ZNF407: variants seen among roughly 807,000 people sequenced by gnomAD.
ZNF407 encodes the protein zinc finger protein 407.
ZNF407 carries 17 observed loss-of-function variants against 131.2 expected under a neutral mutation model. The ratio of observed to expected loss-of-function variants is 0.13; its 90% CI spans 0.09 to 0.19. ZNF407 has a LOEUF of 0.19. Among genes scored for constraint, ZNF407 ranks in the 10% least tolerant of loss-of-function variants. The pLI, the probability that ZNF407 is intolerant of heterozygous loss-of-function variation, is 1.00. For missense variants in ZNF407, 2,681 were observed against 2,830.6 expected, an observed-to-expected ratio of 0.95 and a Z score of 1.20; for synonymous variants, 1,156 against 1,062.0, an observed-to-expected ratio of 1.09 and a Z score of -1.72.
intron 2 of ZNF407, among the ~76,000 whole-genome samples, chr18:74,636,292 A>G (rs1033147084): frequency 1.3e-5 from 2 of 152,182 alleles, no homozygotes; most frequent in African/African-American, 4.8e-5. Context: ...GCTCTGTCAC[A>G]GTTAGTGTTC....
At chr18:75,041,387 G>T (rs1973370738) in intron 8 of ZNF407, among the ~76,000 whole-genome samples, 1 of 152,068 alleles carries the variant, frequency 6.6e-6, no homozygotes, top group Non-Finnish European at 1.5e-5. Flanking sequence ...AACCATAAAA[G>T]AGCTAGCACT....
intron 8 of ZNF407, among the ~76,000 whole-genome samples, chr18:75,040,464 A>C (rs1973360102): frequency 6.6e-6 from 1 of 152,220 alleles, no homozygotes; most frequent in Admixed American, 6.5e-5. Flanking sequence ...AATTTTATCA[A>C]GTGGAATATA....
intron 7 of ZNF407, among the ~76,000 whole-genome samples, chr18:74,900,375 G>A (rs915125733): frequency 3.9e-5 from 6 of 152,092 alleles, no homozygotes; most frequent in Non-Finnish European, 7.4e-5. Context: ...CACTGTGGTC[G>A]GAGTTTTGAG....
chr18:74,644,043 G>A (rs1482538036), intron 3 of ZNF407, among the ~76,000 whole-genome samples: 1 of 151,892 alleles, frequency 6.6e-6, no homozygotes, highest in Non-Finnish European at 1.5e-5. Context: ...TAAGTTTTGT[G>A]TACTCAAGGT....
At chr18:74,903,546 TC>T (rs1284838113) in intron 7 of ZNF407, among the ~76,000 whole-genome samples, 1 of 6,416 alleles carries the variant, frequency 1.6e-4, no homozygotes, top group Non-Finnish European at 7.8e-3. Context: ...TCCTTAAAGA[TC>T]TTTTTTTTCC....
At chr18:74,751,144 T>C (rs1968790917) in intron 3 of ZNF407, among the ~76,000 whole-genome samples, 2 of 152,134 alleles carry the variant, frequency 1.3e-5, no homozygotes, top group African/African-American at 4.8e-5. Flanking sequence ...CAATTTACTC[T>C]TTTGTCATTT....
chr18:74,963,077 G>A (rs932965387), intron 8 of ZNF407, among the ~76,000 whole-genome samples: 5 of 151,778 alleles, frequency 3.3e-5, no homozygotes, highest in Non-Finnish European at 5.9e-5. Flanking sequence ...AGTTCTCCCC[G>A]GTTTCTTTGT....
chr18:74,610,719 C>A (rs1983021679), intron 1 of ZNF407, among the ~76,000 whole-genome samples: 1 of 151,900 alleles, frequency 6.6e-6, no homozygotes, highest in Non-Finnish European at 1.5e-5. Context: ...GGGCTAATTT[C>A]TGCTTTTTTT....
At chr18:74,673,000 T>C (rs1205446255) in intron 3 of ZNF407, among the ~76,000 whole-genome samples, 1 of 152,188 alleles carries the variant, frequency 6.6e-6, no homozygotes, top group Non-Finnish European at 1.5e-5. Context: ...CTATTCTGCA[T>C]GCATTGGAAG....
At chr18:74,671,992 T>C (rs1297501620) in intron 3 of ZNF407, among the ~76,000 whole-genome samples, 1 of 152,194 alleles carries the variant, frequency 6.6e-6, no homozygotes, top group Non-Finnish European at 1.5e-5. Context: ...TCCATGTCTT[T>C]GTTATTGTGA....
intron 8 of ZNF407, among the ~76,000 whole-genome samples, chr18:74,986,102 G>A (rs897757503): frequency 6.6e-6 from 1 of 152,146 alleles, no homozygotes; most frequent in Non-Finnish European, 1.5e-5. Context: ...CTCAGCATTG[G>A]CACTCATTGT....
intron 3 of ZNF407, among the ~76,000 whole-genome samples, chr18:74,755,728 C>CCTTCCTTTCTTTCTTT (rs1555684064): frequency 1.0e-3 from 64 of 63,476 alleles, no homozygotes; most frequent in East Asian, 7.9e-3. Flanking sequence ...TTCTTTCTTT[C>CCTTCCTTTCTTTCTTT]CTTTCTTTCT....
At chr18:74,618,274 T>A (rs1030215218) in intron 1 of ZNF407, among the ~76,000 whole-genome samples, 14 of 152,210 alleles carry the variant, frequency 9.2e-5, no homozygotes, top group African/African-American at 3.4e-4. Context: ...CAGCCATTTC[T>A]TGAGACTCCC....
chr18:74,994,043 A>G (rs963286340), intron 8 of ZNF407, among the ~76,000 whole-genome samples: 1 of 152,238 alleles, frequency 6.6e-6, no homozygotes, highest in Non-Finnish European at 1.5e-5. Context: ...CTGTTTTGCT[A>G]TAAACCACAT....
chr18:74,756,296 T>C (rs1968962133), intron 3 of ZNF407, among the ~76,000 whole-genome samples: 2 of 152,182 alleles, frequency 1.3e-5, no homozygotes, highest in South Asian at 4.1e-4. Context: ...GGTTTGGTTA[T>C]TCTGAGTCTC....
In ZNF407 at chr18:74,666,093, C is replaced by T. The variant is rs574468819; in HGVS notation, c.4802+24971C>T. On this transcript the variant is annotated intron_variant, in intron 3 of 8. Transcript: ENST00000299687. The stretch of plus-strand genomic sequence containing the variant: ...AGCAGGATCCGAAGGTGCATGGTGA[C>T]GTGGTGCAGTGGGAGCCTCAGCCTG... 5.9e-5 allele frequency among the ~76,000 whole-genome samples: 9 copies of T among 152,242 alleles called. No homozygotes were observed. In the South Asian group the frequency reaches 6.2e-4, roughly 11 times the overall value.
intron 4 of ZNF407, among the ~76,000 whole-genome samples, chr18:74,787,072 G>T (rs1016900051): frequency 6.6e-6 from 1 of 152,014 alleles, no homozygotes; most frequent in Admixed American, 6.5e-5. Context: ...CACCCAAAGT[G>T]CAGGGATTAC....
chr18:74,994,251 AT>A (rs1054393550), intron 8 of ZNF407, among the ~76,000 whole-genome samples: 60 of 152,190 alleles, frequency 3.9e-4, no homozygotes, highest in African/African-American at 1.3e-3. Context: ...TAAAAAAAAA[AT>A]GTGTATATAT....
At chr18:74,941,286 C>T (rs919718358) in intron 8 of ZNF407, among the ~76,000 whole-genome samples, 1 of 152,176 alleles carries the variant, frequency 6.6e-6, no homozygotes, top group African/African-American at 2.4e-5. Context: ...TTGAGGGTGT[C>T]TGAAGTCGGT....
Sources: allele counts gnomAD v4.1 joint callset (sites outside exome capture counted in the v4.1 genomes callset), GRCh38; gene constraint gnomAD v4.1.1; transcripts MANE v1.5; gene names NCBI Gene and HGNC (gene_info 2026-07-23, HGNC 2026-07-21).